OLFML2B: variants seen among roughly 807,000 people sequenced by gnomAD.
OLFML2B encodes the protein olfactomedin-like protein 2B.
A neutral mutation model predicts 74.9 loss-of-function variants in OLFML2B; 57 were observed. The observed-to-expected ratio is 0.76, with a 90% CI of 0.61 to 0.95. The LOEUF (loss-of-function observed/expected upper bound fraction) is 0.95, where lower values mean the gene tolerates loss of function less well. Ranked by LOEUF, OLFML2B falls within the 40% of genes least tolerant of loss-of-function variation. The pLI, the probability that OLFML2B is intolerant of heterozygous loss-of-function variation, is 0.00. For missense variants in OLFML2B, 986 were observed against 970.6 expected, an observed-to-expected ratio of 1.02 and a Z score of -0.21; for synonymous variants, 388 against 405.8, an observed-to-expected ratio of 0.96 and a Z score of 0.53.
At chr1:161,998,818 G>A (rs1690002833) in intron 5 of OLFML2B, among the ~76,000 whole-genome samples, 1 of 152,216 alleles carries the variant, frequency 6.6e-6, no homozygotes, top group Admixed American at 6.5e-5. Flanking sequence ...GGTAAAGAGG[G>A]TCAAACAAGC....
At position 161,987,808 on chromosome 1, in the gene OLFML2B, G is replaced by C. The variant is rs74125097; in HGVS notation, c.1475-2828C>G. Among the ~76,000 whole-genome samples the C allele has an allele frequency of 9.7e-3, 1,471 of 152,314 alleles. 26 individuals are homozygous for C. The highest frequency in any genetic ancestry group is 0.033 in the African/African-American group (1,385 of 41,566). Reference sequence around the variant, plus strand: ...TGCATTTTCATAGTCCTAGTACTAGGACCTCAGGCTGCATTTTCACATGCC... The same window carrying C: ...TGCATTTTCATAGTCCTAGTACTAGCACCTCAGGCTGCATTTTCACATGCC... On this transcript the variant is annotated intron_variant, in intron 6 of 7. Transcript: ENST00000294794.
chr1:162,006,490 A>AG lies in OLFML2B; in HGVS notation c.547-18_547-17insC, dbSNP rs762388451. The AG allele has an allele frequency of 4.2e-5, 65 of 1,556,828 alleles. No homozygotes were observed. Among genetic ancestry groups the AG allele is most frequent in the Non-Finnish European group, 5.3e-5 (61 of 1,159,530 alleles). ...AGACACTTCCTGAGAAGGAAAAAAA[A>AG]AAGATGATCCATTAAAGCACCCTGA... On this transcript the variant is annotated splice_polypyrimidine_tract_variant and intron_variant, in intron 3 of 7. Transcript: ENST00000294794.
At chr1:162,021,342 T>G (rs1054755079) in intron 1 of OLFML2B, among the ~76,000 whole-genome samples, 1 of 152,240 alleles carries the variant, frequency 6.6e-6, no homozygotes, top group Non-Finnish European at 1.5e-5. Context: ...CACTTGCCCC[T>G]GCCAGCCTCC....
intron 4 of OLFML2B, among the ~76,000 whole-genome samples, chr1:162,001,409 T>C (rs1173531691): frequency 6.6e-6 from 1 of 152,180 alleles, no homozygotes; most frequent in East Asian, 1.9e-4. Context: ...CTTGGAGGCA[T>C]CTTTTGCTCT....
intron 4 of OLFML2B, among the ~76,000 whole-genome samples, chr1:162,003,101 T>C (rs372489184): frequency 6.6e-6 from 1 of 152,236 alleles, no homozygotes; most frequent in South Asian, 2.1e-4. Context: ...CTGCCTGCCC[T>C]CAGAGCCTGC....
chr1:161,985,707 C>T (rs1558052174), intron 6 of OLFML2B, among the ~76,000 whole-genome samples: 1 of 152,216 alleles, frequency 6.6e-6, no homozygotes, highest in Non-Finnish European at 1.5e-5. Flanking sequence ...GAGCTGTCCC[C>T]AAGCCTAAGC....
chr1:162,022,057 T>C (rs904158249), intron 1 of OLFML2B, among the ~76,000 whole-genome samples: 1 of 151,984 alleles, frequency 6.6e-6, no homozygotes, highest in Non-Finnish European at 1.5e-5. Flanking sequence ...GAGGTGAAGG[T>C]ACAGGCAGCC....
At position 162,023,282 on chromosome 1, in the gene OLFML2B, T is replaced by C. The variant is rs1690778765; in HGVS notation, c.149A>G (p.Asp50Gly). The change falls in exon 1 of 8, where the codon GAC (aspartate) becomes GGC (glycine). Residue 50 changes from aspartate to glycine, a missense_variant. Coordinates refer to ENST00000294794, the MANE Select transcript of OLFML2B (RefSeq NM_015441.3). ...AEDETLQNEA[D>G]NQENVLSQLL... is the part of the protein sequence containing the mutation. ...CTGAGATAAAACGTTCTCCTGGTTG[T>C]CCGCCTCGTTTTGCAGAGTCTCGTC... 1.3e-6 allele frequency: 2 copies of C among 1,563,238 alleles called. No homozygotes were observed. The highest frequency in any genetic ancestry group is 2.3e-5 in the East Asian group (1 of 42,606).
At position 162,000,297 on chromosome 1, in the gene OLFML2B, C is replaced by A. The variant is rs1347317055; in HGVS notation, c.765G>T (p.Gln255His). ...TCTGCAGAAGTTCGATGGAGTTGAT[C>A]TGCTGGGACACGGTTTCTTCCTGCA... is the stretch of plus-strand genomic sequence containing the variant. ...RFLQEETVSQ[Q>H]INSIELLQTR... is the part of the protein sequence containing the mutation. Residue 255 changes from glutamine (Q) to histidine (H), a missense_variant, in exon 5 of 8, where the codon CAG (glutamine) becomes CAT (histidine). Physicochemically the swap from Gln to His is conservative, Grantham distance 24 (BLOSUM62 0). Transcript: ENST00000294794. The A allele has an allele frequency of 1.2e-6, 2 of 1,613,196 alleles. No homozygotes were observed. Among genetic ancestry groups the A allele is most frequent in the African/African-American group, 1.3e-5 (1 of 75,010 alleles).
intron 6 of OLFML2B, among the ~76,000 whole-genome samples, chr1:161,990,319 T>C (rs1036898550): frequency 6.6e-5 from 10 of 152,382 alleles, no homozygotes; most frequent in South Asian, 2.1e-4. Flanking sequence ...AGATGAATTG[T>C]ATAATTCATG....
intron 2 of OLFML2B, among the ~76,000 whole-genome samples, chr1:162,018,603 A>G (rs145529660): frequency 3.9e-5 from 6 of 152,320 alleles, no homozygotes; most frequent in African/African-American, 1.4e-4. Flanking sequence ...GTTTTTATCA[A>G]TACCATCCTG....
chr1:162,017,544 G>A lies in OLFML2B; in HGVS notation c.439-37C>T. 2.0e-6 allele frequency: 3 copies of A among 1,482,538 alleles called. No individual in the cohort carries two copies. The South Asian group carries it at 3.6e-5, about 18-fold the overall frequency. 91.8% of individuals were successfully genotyped at this position (1,482,538 alleles called of 1,614,324 possible). A position where few individuals can be genotyped will look rare whatever the true frequency, so the allele number is the denominator to read the frequency against. The stretch of plus-strand genomic sequence containing the variant: ...GGCAAGGGGTTAGTCCAGGGCTGGG[G>A]CACACAGACACAGGGCAGAGTTTCC... On this transcript the variant is annotated intron_variant, in intron 2 of 7. Coordinates refer to ENST00000294794, the MANE Select transcript of OLFML2B (RefSeq NM_015441.3).
At chr1:162,008,045 A>G (rs1690281534) in intron 3 of OLFML2B, among the ~76,000 whole-genome samples, 1 of 152,216 alleles carries the variant, frequency 6.6e-6, no homozygotes, top group African/African-American at 2.4e-5. Context: ...GGTGTTATCT[A>G]TCAGGCCGTC....
At chr1:162,014,165 C>T (rs903178233) in intron 3 of OLFML2B, among the ~76,000 whole-genome samples, 4 of 152,256 alleles carry the variant, frequency 2.6e-5, no homozygotes, top group African/African-American at 9.6e-5. Flanking sequence ...GTTACACAGG[C>T]ATTTTGTTCA....
In OLFML2B at chr1:162,006,678, C is replaced by A. The variant is rs1229981128; in HGVS notation, c.547-205G>T. Among the ~76,000 whole-genome samples, 5 of 152,214 alleles carry A rather than the reference C, an allele frequency of 3.3e-5. No individual in the cohort carries two copies. The East Asian group carries it at 7.7e-4, about 24-fold the overall frequency. Reference sequence around the variant, plus strand: ...TGGCAGTATTTCCAGGGCAGCTCAGCGCTTGGATATCCAACTACAGAAAAT... The same window carrying A: ...TGGCAGTATTTCCAGGGCAGCTCAGAGCTTGGATATCCAACTACAGAAAAT... On this transcript the variant is annotated intron_variant, in intron 3 of 7. Transcript: ENST00000294794.
At chr1:162,008,463 C>T (rs982256405) in intron 3 of OLFML2B, among the ~76,000 whole-genome samples, 13 of 152,186 alleles carry the variant, frequency 8.5e-5, no homozygotes, top group African/African-American at 2.4e-4. Flanking sequence ...TGCTGGATCA[C>T]TAAGAACACC....
intron 3 of OLFML2B, among the ~76,000 whole-genome samples, chr1:162,012,476 C>T (rs994520418): frequency 5.3e-5 from 8 of 152,172 alleles, no homozygotes; most frequent in African/African-American, 1.2e-4. Flanking sequence ...GGGGAGCGGA[C>T]CAGTTCTGGG....
At chr1:162,002,977 G>A (rs7523246) in intron 4 of OLFML2B, among the ~76,000 whole-genome samples, 70,568 of 152,102 alleles carry the variant, frequency 0.46, 20,018 homozygotes, top group Non-Finnish European at 0.62. Flanking sequence ...TTATCCACAC[G>A]TCACAGATGA....
chr1:161,983,468 G>C lies in OLFML2B; in HGVS notation c.*207C>G, dbSNP rs564003409. On this transcript the variant is annotated 3_prime_UTR_variant, in exon 8 of 8. Coordinates refer to ENST00000294794, the MANE Select transcript of OLFML2B (RefSeq NM_015441.3). The stretch of plus-strand genomic sequence containing the variant: ...CATTTGCACAAAAATATAAACTGGG[G>C]AGGATGAGACCAGCACATACACGTA... The C allele has an allele frequency of 1.3e-5, 6 of 476,336 alleles. No individual in the cohort carries two copies. The highest frequency in any genetic ancestry group is 2.2e-5 in the Non-Finnish European group (6 of 277,928). The allele number at this position is 476,336 out of a possible 1,614,324, so 29.5% of individuals were successfully genotyped here.
Sources: gnomAD v4.1 joint callset for allele counts (sites outside exome capture counted in the v4.1 genomes callset) on GRCh38, gnomAD v4.1.1 for gene constraint, MANE v1.5 for transcripts, NCBI Gene and HGNC (gene_info 2026-07-23, HGNC 2026-07-21) for gene names.